The following RNF43 variants were observed in gnomAD, a reference collection of about 807,000 sequenced individuals.
RNF43 encodes the protein E3 ubiquitin-protein ligase RNF43.
A neutral mutation model predicts 78.4 loss-of-function variants in RNF43; 37 were observed. The observed-to-expected ratio is 0.47, with a 90% confidence interval of 0.36 to 0.62. The LOEUF is 0.62. Among genes scored for constraint, RNF43 ranks in the 20% least tolerant of loss-of-function variants. RNF43 has a pLI of 0.00. For synonymous variants in RNF43, 347 were observed against 395.0 expected, an observed-to-expected ratio of 0.88 and a Z score of 1.44; for missense variants, 774 against 1,007.9, an observed-to-expected ratio of 0.77 and a Z score of 3.14.
At chr17:58,383,393 C>G (rs1206926481) in intron 2 of RNF43, among the ~76,000 whole-genome samples, 3 of 152,040 alleles carry the variant, frequency 2.0e-5, no homozygotes, top group African/African-American at 7.2e-5. Context: ...AGGCCCAAAC[C>G]TGGGAGGATC....
Position 58,395,580 on chromosome 17 carries a change from T to C in RNF43, c.252+19746A>G, listed in dbSNP as rs573219213. Among the ~76,000 whole-genome samples, 3 of 152,204 alleles carry C rather than the reference T, an allele frequency of 2.0e-5. No homozygotes were observed. The East Asian group carries it at 5.8e-4, about 29-fold the overall frequency. ...TAGAACACAAAAATCTGAGAAATATTCTTTTGGAAGAAAGATCATGTAACT... is the reference window on the plus strand; with the variant it reads ...TAGAACACAAAAATCTGAGAAATATCCTTTTGGAAGAAAGATCATGTAACT... On this transcript the variant is annotated intron_variant, in intron 2 of 9. Transcript: ENST00000407977.
chr17:58,360,636 G>T lies in RNF43; in HGVS notation c.849+147C>A. On this transcript the variant is annotated intron_variant, in intron 7 of 9. Coordinates refer to ENST00000407977, the MANE Select transcript of RNF43 (RefSeq NM_017763.6). This position sits in a 1 kb window ranked among gnomAD's most constrained non-coding sequence, Gnocchi z 4.3. ...GGTCAGAAAAGTGACCAAACTTCAGGCTGGTCCCTGATCTCTGCCTCATGC... is the reference window on the plus strand; with the variant it reads ...GGTCAGAAAAGTGACCAAACTTCAGTCTGGTCCCTGATCTCTGCCTCATGC... 1 of 848,020 alleles carries T rather than the reference G, an allele frequency of 1.2e-6. No individual in the cohort carries two copies. Among genetic ancestry groups the T allele is most frequent in the Non-Finnish European group, 1.8e-6 (1 of 566,674 alleles). The allele number at this position is 848,020 out of a possible 1,614,324, so 52.5% of individuals were successfully genotyped here. A position where few individuals can be genotyped will look rare whatever the true frequency, so the allele number is the denominator to read the frequency against.
intron 2 of RNF43, among the ~76,000 whole-genome samples, chr17:58,401,052 T>A (rs1303250705): frequency 2.9e-5 from 4 of 137,632 alleles, no homozygotes; most frequent in Admixed American, 2.4e-4. Context: ...TTTCTCACCT[T>A]AGGAACTTTG....
At chr17:58,385,148 C>G (rs1032383771) in intron 2 of RNF43, among the ~76,000 whole-genome samples, 5 of 152,136 alleles carry the variant, frequency 3.3e-5, no homozygotes, top group Non-Finnish European at 7.4e-5. Context: ...TCTTCCTCTT[C>G]TTCTTGTTTA....
chr17:58,370,331 G>A (rs1241773634), intron 3 of RNF43, among the ~76,000 whole-genome samples: 1 of 152,056 alleles, frequency 6.6e-6, no homozygotes, highest in East Asian at 1.9e-4. Flanking sequence ...GCCTCCCAAA[G>A]TGCTGGGATT....
At chr17:58,413,018 T>C (rs1237480884) in intron 2 of RNF43, among the ~76,000 whole-genome samples, 4 of 152,148 alleles carry the variant, frequency 2.6e-5, no homozygotes, top group African/African-American at 9.6e-5. Context: ...TACTTTTAGA[T>C]TTCTGACACC....
chr17:58,360,187 T>C lies in RNF43; in HGVS notation c.914A>G (p.Gln305Arg), dbSNP rs889865921. ...HRNCVDPWLH[Q>R]HRTCPLCMFN... is the part of the protein sequence containing the mutation. ...CATGCAGAGGGGGCAAGTCCGATGC[T>C]GATGTAACCAGGGGTCCACACAGTT... Residue 305 changes from glutamine to arginine, a missense_variant, in exon 8 of 10, where the codon CAG (glutamine) becomes CGG (arginine). Transcript: ENST00000407977. The surrounding 1 kb of genome is among the most constrained non-coding windows in gnomAD (Gnocchi z 4.3). 5 of 1,614,020 alleles carry C rather than the reference T, an allele frequency of 3.1e-6. No homozygotes were observed. The highest frequency in any genetic ancestry group is 4.5e-5 in the East Asian group (2 of 44,884).
intron 2 of RNF43, among the ~76,000 whole-genome samples, chr17:58,374,394 C>CTTT (rs1266131489): frequency 7.2e-6 from 1 of 139,216 alleles, no homozygotes; most frequent in Non-Finnish European, 1.6e-5. Flanking sequence ...TTTCACTCTT[C>CTTT]TTTTTTTTTT....
At chr17:58,391,505 G>C (rs1395311730) in intron 2 of RNF43, among the ~76,000 whole-genome samples, 1 of 152,224 alleles carries the variant, frequency 6.6e-6, no homozygotes, top group Non-Finnish European at 1.5e-5. Flanking sequence ...TGTGCACAGA[G>C]TACCATGGCT....
chr17:58,387,660 C>CA lies in RNF43; in HGVS notation c.253-16628dup, dbSNP rs199748044. Among the ~76,000 whole-genome samples the CA allele has an allele frequency of 3.8e-3, 530 of 141,120 alleles. 17 individuals carry two copies. In the East Asian group the frequency reaches 0.078, roughly 21 times the overall value. The allele number at this position is 141,120 out of a possible 152,430, so 92.6% of individuals were successfully genotyped here. A position where few individuals can be genotyped will look rare whatever the true frequency, so the allele number is the denominator to read the frequency against. On this transcript the variant is annotated intron_variant, in intron 2 of 9. Coordinates refer to ENST00000407977, the MANE Select transcript of RNF43 (RefSeq NM_017763.6). The stretch of plus-strand genomic sequence containing the variant: ...GGGCGACAGAGAGAGACTCCATCTT[C>CA]AAAAAAAAAACAAAAAAACAAAGTG...
chr17:58,362,086 AAAAC>A lies in RNF43; in HGVS notation c.687+454_687+457del, dbSNP rs763077009. Among the ~76,000 whole-genome samples, 55 of 151,324 alleles carry A rather than the reference AAAAC, an allele frequency of 3.6e-4. No homozygotes were observed. In the East Asian group the frequency reaches 3.7e-3, roughly 10 times the overall value. On this transcript the variant is annotated intron_variant, in intron 6 of 9. Coordinates refer to ENST00000407977, the MANE Select transcript of RNF43 (RefSeq NM_017763.6). Reference sequence around the variant, plus strand: ...GGGCGACAGAGCAAGACTCTGTCTCAAAACAAACAAACAAACAAACAAACAAAAA... The same window carrying A: ...GGGCGACAGAGCAAGACTCTGTCTCAAAACAAACAAACAAACAAACAAAAA...
intron 3 of RNF43, among the ~76,000 whole-genome samples, chr17:58,366,798 A>T (rs1263797619): frequency 2.6e-5 from 4 of 152,184 alleles, no homozygotes; most frequent in Non-Finnish European, 5.9e-5. Context: ...TTGCTTAAGC[A>T]TTAGTTATTA....
intron 2 of RNF43, among the ~76,000 whole-genome samples, chr17:58,375,816 T>A (rs1973193835): frequency 6.6e-6 from 1 of 152,274 alleles, no homozygotes; most frequent in Admixed American, 6.5e-5. Context: ...TTTTGTTCCA[T>A]GTCTTTTCCC....
chr17:58,405,205 G>A (rs979876302), intron 2 of RNF43, among the ~76,000 whole-genome samples: 1 of 150,522 alleles, frequency 6.6e-6, no homozygotes, highest in Non-Finnish European at 1.5e-5. Flanking sequence ...AGCCTCCCGA[G>A]TAGCTGGGAC....
chr17:58,356,428 G>A (rs1972685537), intron 9 of RNF43, among the ~76,000 whole-genome samples: 1 of 152,190 alleles, frequency 6.6e-6, no homozygotes, highest in African/African-American at 2.4e-5. Context: ...AGAGTAGAAG[G>A]TGGAAGGTCC....
rs779322788 is a variant in RNF43, at chr17:58,362,504, C to T, written c.687+40G>A. 4.7e-5 allele frequency: 70 copies of T among 1,485,870 alleles called. No homozygotes were observed. Among genetic ancestry groups the T allele is most frequent in the South Asian group, 3.0e-4 (25 of 82,664 alleles). The allele number at this position is 1,485,870 out of a possible 1,614,324, so 92.0% of individuals were successfully genotyped here. ...CTCCCTAACCACCCACCCACACACA[C>T]GCACACGTTCACCGCCGCCAAAGAC... is the stretch of plus-strand genomic sequence containing the variant. On this transcript the variant is annotated intron_variant, in intron 6 of 9. Coordinates refer to ENST00000407977, the MANE Select transcript of RNF43 (RefSeq NM_017763.6).
At chr17:58,362,281 G>A (rs142217336) in intron 6 of RNF43, among the ~76,000 whole-genome samples, 3 of 152,266 alleles carry the variant, frequency 2.0e-5, no homozygotes, top group African/African-American at 7.2e-5. Context: ...GAGGGTAGGA[G>A]TTTTTTGTCA....
At chr17:58,362,090 C>T (rs1001097127) in intron 6 of RNF43, among the ~76,000 whole-genome samples, 6 of 150,942 alleles carry the variant, frequency 4.0e-5, no homozygotes, top group Non-Finnish European at 7.4e-5. Context: ...TGTCTCAAAA[C>T]AAACAAACAA....
At chr17:58,363,475 T>C (rs1972884532) in intron 4 of RNF43, 51 bp downstream of exon 4, 1 of 1,612,680 alleles carries the variant, frequency 6.2e-7, no homozygotes. Context: ...CTGAGAGCTT[T>C]ATCTTCCTCC....
Sources: gnomAD v4.1 joint callset for allele counts (sites outside exome capture counted in the v4.1 genomes callset) on GRCh38, gnomAD v4.1.1 for gene constraint, Gnocchi (gnomAD v3.1) non-coding constraint, MANE v1.5 for transcripts, NCBI Gene and HGNC (gene_info 2026-07-23, HGNC 2026-07-21) for gene names.